Variants in MAGI1 observed in about 807,000 individuals in gnomAD.
MAGI1 encodes the protein membrane associated guanylate kinase, WW and PDZ domain containing 1, also known as membrane-associated guanylate kinase, WW and PDZ domain-containing protein 1.
MAGI1 carries 58 observed loss-of-function variants against 139.9 expected under a neutral mutation model. That is an observed-to-expected ratio of 0.41 (90% CI 0.34 to 0.52). The LOEUF (loss-of-function observed/expected upper bound fraction) is 0.52, where lower values mean the gene tolerates loss of function less well. Among genes scored for constraint, MAGI1 ranks in the 20% least tolerant of loss-of-function variants. The probability of loss-of-function intolerance (pLI) is 0.12; values close to 1 mark genes in which losing one functional copy is unlikely to be tolerated. For missense variants in MAGI1, 1,874 were observed against 1,901.6 expected, an observed-to-expected ratio of 0.99 and a Z score of 0.27; for synonymous variants, 812 against 737.9, an observed-to-expected ratio of 1.10 and a Z score of -1.63.
At chr3:65,562,366 A>G (rs951104334) in intron 2 of MAGI1, among the ~76,000 whole-genome samples, 2 of 152,240 alleles carry the variant, frequency 1.3e-5, no homozygotes, top group African/African-American at 4.8e-5. Context: ...ATGCATTTTG[A>G]ATTCTGAAAT....
chr3:65,518,766 A>G (rs1365986755), intron 2 of MAGI1, among the ~76,000 whole-genome samples: 1 of 103,798 alleles, frequency 9.6e-6, no homozygotes, highest in East Asian at 4.5e-4. Flanking sequence ...CGGTAGATGC[A>G]GCAAAAAAAA....
intron 2 of MAGI1, among the ~76,000 whole-genome samples, chr3:65,603,139 C>T (rs183447719): frequency 8.5e-5 from 13 of 152,128 alleles, no homozygotes; most frequent in African/African-American, 1.9e-4. Context: ...GAAAAAAATA[C>T]GTACCAGGCC....
chr3:65,541,619 C>G (rs994034142), intron 2 of MAGI1, among the ~76,000 whole-genome samples: 1 of 152,118 alleles, frequency 6.6e-6, no homozygotes, highest in Admixed American at 6.6e-5. Flanking sequence ...GTTCAACGTA[C>G]GCAAATCAAT....
rs3077818 is a variant in MAGI1 at position 65,819,875 on chromosome 3, C to CAAAAAAAAAAAAAAAAAAAAAAAAAA, written c.314-197788_314-197787insTTTTTTTTTTTTTTTTTTTTTTTTTT. 2.3e-3 allele frequency among the ~76,000 whole-genome samples: 78 copies of CAAAAAAAAAAAAAAAAAAAAAAAAAA among 33,464 alleles called. 12 individuals carry two copies. Among genetic ancestry groups the CAAAAAAAAAAAAAAAAAAAAAAAAAA allele is most frequent in the East Asian group, 4.4e-3 (5 of 1,126 alleles). 22.0% of individuals were successfully genotyped at this position (33,464 alleles called of 152,430 possible). On this transcript the variant is annotated intron_variant, in intron 1 of 22. Transcript: ENST00000402939. ...CTAGCCACAGAGCAAGACTCCATCT[C>CAAAAAAAAAAAAAAAAAAAAAAAAAA]AAAAAAAAAAAAAAAAAAAAAAGGA...
At chr3:65,930,920 T>G (rs754961305) in intron 1 of MAGI1, among the ~76,000 whole-genome samples, 6 of 152,172 alleles carry the variant, frequency 3.9e-5, no homozygotes, top group African/African-American at 7.2e-5. Context: ...GGAAAACTCA[T>G]GAATAATCCA....
intron 1 of MAGI1, among the ~76,000 whole-genome samples, chr3:65,647,263 G>C (rs2085320446): frequency 6.6e-6 from 1 of 152,106 alleles, no homozygotes; most frequent in South Asian, 2.1e-4. Context: ...TGACAACTGA[G>C]ATGAAATGGA....
rs144187343 is a variant in MAGI1, at chr3:65,470,400, G to C, written c.842C>G (p.Thr281Arg). The C allele has an allele frequency of 4.3e-5, 70 of 1,613,638 alleles. No homozygotes were observed. Among genetic ancestry groups the C allele is most frequent in the Non-Finnish European group, 4.6e-5 (54 of 1,179,806 alleles). The part of the protein sequence containing the change: ...VNSSIIAAPI[T>R]DPSQKFPQYL... Reference sequence around the variant, plus strand: ...TTGAGGGAACTTCTGAGAAGGGTCCGTGATGGGAGCAGCGATGATGCTACT... The same window carrying C: ...TTGAGGGAACTTCTGAGAAGGGTCCCTGATGGGAGCAGCGATGATGCTACT... The change falls in exon 5 of 23, where the codon ACG (threonine) becomes AGG (arginine). Residue 281 changes from threonine (T) to arginine (R), a missense_variant. Thr to Arg is a moderately conservative substitution (Grantham distance 71). Around this residue, in one of 5 missense-constraint regions of MAGI1, gnomAD observed 648 missense variants for 598.1 expected, o/e 1.08. Transcript: ENST00000402939.
At chr3:65,991,222 G>T (rs1235882074) in intron 1 of MAGI1, among the ~76,000 whole-genome samples, 5 of 148,516 alleles carry the variant, frequency 3.4e-5, no homozygotes, top group Non-Finnish European at 7.4e-5. Context: ...CCAGAAGGTG[G>T]CGGTTGCAAT....
intron 14 of MAGI1, among the ~76,000 whole-genome samples, chr3:65,387,620 G>A (rs1209223239): frequency 6.6e-6 from 1 of 152,296 alleles, no homozygotes; most frequent in East Asian, 1.9e-4. Flanking sequence ...ATTCAAAAGT[G>A]TATCAAGTCC....
At chr3:66,014,974 C>G (rs913030695) in intron 1 of MAGI1, among the ~76,000 whole-genome samples, 75 of 152,186 alleles carry the variant, frequency 4.9e-4, no homozygotes, top group African/African-American at 1.6e-3. Context: ...AACAAATCAT[C>G]GCTACATGAT....
At chr3:65,782,776 G>C (rs2039042125) in intron 1 of MAGI1, among the ~76,000 whole-genome samples, 1 of 151,784 alleles carries the variant, frequency 6.6e-6, no homozygotes, top group Non-Finnish European at 1.5e-5. Flanking sequence ...CTTTTAATAT[G>C]TTTGCAATAT....
chr3:65,922,445 G>C (rs1042597977), intron 1 of MAGI1, among the ~76,000 whole-genome samples: 1 of 139,264 alleles, frequency 7.2e-6, no homozygotes, highest in Non-Finnish European at 1.5e-5. Context: ...ACACACAGAA[G>C]GAAGACAGCC....
intron 2 of MAGI1, among the ~76,000 whole-genome samples, chr3:65,589,853 A>G (rs1436273851): frequency 6.6e-6 from 1 of 151,794 alleles, no homozygotes; most frequent in Non-Finnish European, 1.5e-5. Flanking sequence ...AAAAAAAACA[A>G]ATAGTACCAT....
rs770488406 is a variant in MAGI1, at chr3:65,621,993, G to C, written c.409C>G (p.Leu137Val). 6.2e-7 allele frequency: 1 copy of C among 1,612,990 alleles called. No homozygotes were observed. Among genetic ancestry groups the C allele is most frequent in the African/African-American group, 1.3e-5 (1 of 74,912 alleles). Reference protein sequence around the residue: ...HELQQTIRDNLYRHAVPCTTR... With the variant: ...HELQQTIRDNVYRHAVPCTTR... ...TTACAAGGCACAGCATGGCGGTAAA[G>C]GTTATCCCTTATGGTCTGCTGGAGC... Residue 137 changes from leucine (L) to valine (V), a missense_variant, in exon 2 of 23, where the codon CTT (leucine) becomes GTT (valine). This residue lies in a region of MAGI1 where 648 missense variants were observed against 598.1 expected (regional missense o/e 1.08). Coordinates refer to ENST00000402939, the MANE Select transcript of MAGI1 (RefSeq NM_001033057.2).
At chr3:65,656,979 CAAAAAAAAA>C (rs58817001) in intron 1 of MAGI1, among the ~76,000 whole-genome samples, 15 of 73,958 alleles carry the variant, frequency 2.0e-4, no homozygotes, top group Non-Finnish European at 3.6e-4. Context: ...GACACCATCT[CAAAAAAAAA>C]AAAAAAAAAA....
intron 1 of MAGI1, among the ~76,000 whole-genome samples, chr3:65,863,268 C>T (rs1377802473): frequency 6.6e-6 from 1 of 152,186 alleles, no homozygotes; most frequent in African/African-American, 2.4e-5. Flanking sequence ...AGACTATGCT[C>T]ACTCCTTTAC....
chr3:65,366,809 T>C (rs1559897840), intron 18 of MAGI1, among the ~76,000 whole-genome samples: 3 of 152,236 alleles, frequency 2.0e-5, no homozygotes, highest in African/African-American at 4.8e-5. Flanking sequence ...CATGTGTTTA[T>C]TATTGTCATC....
rs149696529 is a variant in MAGI1 at position 65,805,481 on chromosome 3, G to A, written c.314-183393C>T. ...GTGGAGAAACAGGAATGCTTTTACA[G>A]TGTTGGTGGGAACACAAATTAGTTC... On this transcript the variant is annotated intron_variant, in intron 1 of 22. Coordinates refer to ENST00000402939, the MANE Select transcript of MAGI1 (RefSeq NM_001033057.2). Among the ~76,000 whole-genome samples, 748 of 152,314 alleles carry A rather than the reference G, an allele frequency of 4.9e-3. 5 individuals carry two copies. The highest frequency in any genetic ancestry group is 0.022 in the South Asian group (107 of 4,824).
chr3:65,982,168 T>A (rs778942994), intron 1 of MAGI1, among the ~76,000 whole-genome samples: 86 of 152,194 alleles, frequency 5.7e-4, no homozygotes, highest in Non-Finnish European at 1.1e-3. Context: ...TGCCTGCACC[T>A]CTTGGTCGAG....
Sources: gnomAD v4.1 joint callset for allele counts (sites outside exome capture counted in the v4.1 genomes callset) on GRCh38, gnomAD v4.1.1 for gene constraint, gnomAD v4.1.1 regional missense constraint, MANE v1.5 for transcripts, NCBI Gene and HGNC (gene_info 2026-07-23, HGNC 2026-07-21) for gene names.